Variants in PDE11A observed in about 807,000 individuals in gnomAD.
PDE11A encodes the protein phosphodiesterase 11A.
In PDE11A, 100 loss-of-function variants were observed where a neutral mutation model predicts 100.5. The ratio of observed to expected loss-of-function variants is 1.00; its 90% CI spans 0.85 to 1.18. The LOEUF (loss-of-function observed/expected upper bound fraction) is 1.18. Ranked by LOEUF, PDE11A falls within the 50% of genes most tolerant of loss-of-function variation. The pLI, the probability that PDE11A is intolerant of heterozygous loss-of-function variation, is 0.00. For missense variants in PDE11A, 1,141 were observed against 1,152.6 expected, an observed-to-expected ratio of 0.99 and a Z score of 0.15; for synonymous variants, 381 against 420.8, an observed-to-expected ratio of 0.91 and a Z score of 1.16.
intron 19 of PDE11A, among the ~76,000 whole-genome samples, chr2:177,654,556 T>G (rs1357712015): frequency 6.6e-6 from 1 of 152,052 alleles, no homozygotes; most frequent in Non-Finnish European, 1.5e-5. Context: ...GTAAAAATTA[T>G]GTAGAAACAT....
chr2:177,822,528 A>C (rs2083156855), intron 6 of PDE11A, among the ~76,000 whole-genome samples: 2 of 152,070 alleles, frequency 1.3e-5, no homozygotes, highest in Non-Finnish European at 2.9e-5. Flanking sequence ...GGTAGTGCAA[A>C]TCCTCCAACT....
At chr2:177,713,195 G>A (rs1368482434) in intron 12 of PDE11A, among the ~76,000 whole-genome samples, 1 of 152,012 alleles carries the variant, frequency 6.6e-6, no homozygotes, top group Non-Finnish European at 1.5e-5. Context: ...TTTTAGTAGA[G>A]ATGGGGTTTC....
chr2:178,063,546 A>G (rs1269305660), intron 1 of PDE11A, among the ~76,000 whole-genome samples: 1 of 152,206 alleles, frequency 6.6e-6, no homozygotes, highest in African/African-American at 2.4e-5. Context: ...TCAGGGAAGG[A>G]TGAACTAGAC....
At chr2:178,001,980 A>T (rs1362358039) in intron 2 of PDE11A, among the ~76,000 whole-genome samples, 2 of 152,072 alleles carry the variant, frequency 1.3e-5, no homozygotes. Flanking sequence ...ATATTGTGTG[A>T]TGCTGAGGTT....
rs1261124752 is a variant in PDE11A at position 177,871,211 on chromosome 2, A to G, written c.1367+4648T>C. On this transcript the variant is annotated intron_variant, in intron 5 of 19. Transcript: ENST00000286063. ...AACATCTAACAAAGGTTTAGGAATT[A>G]AAAGGTCTGTAAAAAATGGGGTACA... 2.0e-5 allele frequency among the ~76,000 whole-genome samples: 3 copies of G among 152,174 alleles called. No individual in the cohort carries two copies. The East Asian group carries it at 5.8e-4, about 29-fold the overall frequency.
At chr2:177,948,164 C>A (rs1354322975) in intron 2 of PDE11A, among the ~76,000 whole-genome samples, 1 of 152,014 alleles carries the variant, frequency 6.6e-6, no homozygotes, top group Non-Finnish European at 1.5e-5. Flanking sequence ...CATGATTTAA[C>A]ATCTGAATTG....
chr2:177,750,014 GA>G (rs968389742), intron 10 of PDE11A, among the ~76,000 whole-genome samples: 3 of 152,302 alleles, frequency 2.0e-5, no homozygotes, highest in South Asian at 2.1e-4. Flanking sequence ...CTGCACATAA[GA>G]AACCTTGCCA....
chr2:177,653,489 C>T (rs915987354), intron 19 of PDE11A, among the ~76,000 whole-genome samples: 3 of 152,158 alleles, frequency 2.0e-5, no homozygotes, highest in East Asian at 3.8e-4. Context: ...GTTCTAACCC[C>T]GGTACCTGTG....
intron 10 of PDE11A, among the ~76,000 whole-genome samples, chr2:177,764,412 A>G (rs1023010558): frequency 4.6e-5 from 7 of 152,216 alleles, no homozygotes; most frequent in Admixed American, 2.6e-4. Flanking sequence ...ACAAGGTGGC[A>G]ATATAACACC....
intron 2 of PDE11A, among the ~76,000 whole-genome samples, chr2:177,947,469 C>T (rs1372541596): frequency 2.0e-5 from 3 of 152,182 alleles, no homozygotes; most frequent in African/African-American, 7.2e-5. Flanking sequence ...GACCTTGCCC[C>T]CAACCCTGTG....
At chr2:177,748,891 T>C (rs1266036139) in intron 10 of PDE11A, among the ~76,000 whole-genome samples, 1 of 152,218 alleles carries the variant, frequency 6.6e-6, no homozygotes, top group African/African-American at 2.4e-5. Context: ...TCATTGAATA[T>C]GATATAAAAC....
At chr2:177,990,194 C>A (rs1288426428) in intron 2 of PDE11A, among the ~76,000 whole-genome samples, 1 of 152,154 alleles carries the variant, frequency 6.6e-6, no homozygotes, top group African/African-American at 2.4e-5. Context: ...TGATTAGTAA[C>A]CATGTACTCT....
intron 6 of PDE11A, among the ~76,000 whole-genome samples, chr2:177,837,327 A>C (rs572989198): frequency 1.3e-5 from 2 of 152,338 alleles, no homozygotes; most frequent in South Asian, 4.1e-4. Context: ...CAAACTGGTC[A>C]GTAACAAACT....
At chr2:177,818,515 C>T (rs1445359502) in intron 7 of PDE11A, among the ~76,000 whole-genome samples, 1 of 151,806 alleles carries the variant, frequency 6.6e-6, no homozygotes, top group African/African-American at 2.4e-5. Context: ...ATGTTAACTA[C>T]CTAAGAAGGT....
intron 5 of PDE11A, among the ~76,000 whole-genome samples, chr2:177,842,897 C>A (rs1313858431): frequency 1.3e-5 from 2 of 152,142 alleles, no homozygotes; most frequent in Non-Finnish European, 2.9e-5. Flanking sequence ...GGAACAAAAT[C>A]CTATCAGTCC....
rs1553492148 is a variant in PDE11A at position 177,942,403 on chromosome 2, A to ATTAT, written c.1072-37220_1072-37217dup. On this transcript the variant is annotated intron_variant, in intron 2 of 19. Coordinates refer to ENST00000286063, the MANE Select transcript of PDE11A (RefSeq NM_016953.4). Reference sequence around the variant, plus strand: ...TCCATTGAAACCATTATTTTTTAAAATTATTTTTTTTTTTTTGAGACAGAG... The same window carrying ATTAT: ...TCCATTGAAACCATTATTTTTTAAAATTATTTATTTTTTTTTTTTTGAGACAGAG... 1.1e-3 allele frequency among the ~76,000 whole-genome samples: 34 copies of ATTAT among 31,918 alleles called. No homozygotes were observed. The East Asian group carries it at 0.031, about 29-fold the overall frequency. 20.9% of individuals were successfully genotyped at this position (31,918 alleles called of 152,430 possible).
chr2:177,733,350 T>C (rs931200503), intron 10 of PDE11A, among the ~76,000 whole-genome samples: 2 of 152,206 alleles, frequency 1.3e-5, no homozygotes, highest in African/African-American at 4.8e-5. Flanking sequence ...ATTTGAATAA[T>C]GTTCAAGAAG....
chr2:178,018,874 T>C (rs2086373121), intron 1 of PDE11A, among the ~76,000 whole-genome samples: 1 of 152,194 alleles, frequency 6.6e-6, no homozygotes, highest in Non-Finnish European at 1.5e-5. Context: ...AGGAAAAGTT[T>C]GAGAGGATTT....
intron 2 of PDE11A, among the ~76,000 whole-genome samples, chr2:178,003,388 T>C (rs1468061462): frequency 6.6e-6 from 1 of 152,216 alleles, no homozygotes; most frequent in African/African-American, 2.4e-5. Context: ...AATGATGTAC[T>C]GATACATGCT....
Sources: allele counts gnomAD v4.1 joint callset (sites outside exome capture counted in the v4.1 genomes callset), GRCh38; gene constraint gnomAD v4.1.1; transcripts MANE v1.5; gene names NCBI Gene and HGNC (gene_info 2026-07-23, HGNC 2026-07-21).